The following TTC7B variants were observed in gnomAD, a reference collection of about 807,000 sequenced individuals.
The protein encoded by TTC7B is tetratricopeptide repeat domain 7B, also known as tetratricopeptide repeat protein 7B.
In TTC7B, 28 loss-of-function variants were observed where a neutral mutation model predicts 106.8. That is an observed-to-expected ratio of 0.26 (90% confidence interval 0.19 to 0.36). The LOEUF is 0.36. TTC7B is among the 10% of genes least tolerant of loss of function. TTC7B has a pLI of 1.00. For synonymous variants in TTC7B, 405 were observed against 430.6 expected, an observed-to-expected ratio of 0.94 and a Z score of 0.74; for missense variants, 862 against 1,076.4, an observed-to-expected ratio of 0.80 and a Z score of 2.79.
intron 5 of TTC7B, among the ~76,000 whole-genome samples, chr14:90,708,145 CAAAAAA>C (rs56260414): frequency 1.6e-5 from 1 of 61,308 alleles, no homozygotes. Flanking sequence ...GACTCCATCT[CAAAAAA>C]AAAAAAAAAA....
chr14:90,737,488 A>C (rs1889581007), intron 4 of TTC7B, among the ~76,000 whole-genome samples: 1 of 152,006 alleles, frequency 6.6e-6, no homozygotes, highest in African/African-American at 2.4e-5. Flanking sequence ...ATGAATTTTC[A>C]GAACGTGATG....
At chr14:90,789,373 C>T (rs1891501040) in intron 1 of TTC7B, among the ~76,000 whole-genome samples, 1 of 152,104 alleles carries the variant, frequency 6.6e-6, no homozygotes, top group African/African-American at 2.4e-5. Context: ...GCTGGGATTA[C>T]AGGCATGAGC....
intron 3 of TTC7B, among the ~76,000 whole-genome samples, chr14:90,778,738 G>T (rs1215067840): frequency 2.0e-5 from 3 of 152,212 alleles, no homozygotes; most frequent in Non-Finnish European, 4.4e-5. Flanking sequence ...GGACCCCAGA[G>T]GCAGCCTCAA....
In TTC7B at chr14:90,541,216, CGGG is replaced by C; in HGVS notation, c.*149_*151del. The C allele has an allele frequency of 1.7e-6, 1 of 579,124 alleles. No homozygotes were observed. The highest frequency in any genetic ancestry group is 3.4e-5 in the Admixed American group (1 of 29,168). The allele number at this position is 579,124 out of a possible 1,614,324, so 35.9% of individuals were successfully genotyped here. A position where few individuals can be genotyped will look rare whatever the true frequency, so the allele number is the denominator to read the frequency against. On this transcript the variant is annotated 3_prime_UTR_variant, in exon 20 of 20. Transcript: ENST00000328459. ...AACGCACATGGCGAGAGCGATGATTCGGGGTTGGTTTGGTTGGTTCACTGTGGC... is the reference window on the plus strand; with the variant it reads ...AACGCACATGGCGAGAGCGATGATTCGTTGGTTTGGTTGGTTCACTGTGGC...
chr14:90,749,560 C>A (rs1890075978), intron 3 of TTC7B, among the ~76,000 whole-genome samples: 1 of 152,016 alleles, frequency 6.6e-6, no homozygotes, highest in Admixed American at 6.6e-5. Context: ...CATGCACCAC[C>A]ACGCCTGGCT....
intron 7 of TTC7B, 150 bp downstream of exon 7, chr14:90,689,390 G>C (rs1887376289): frequency 1.5e-6 from 1 of 664,958 alleles, no homozygotes; most frequent in Non-Finnish European, 2.5e-6. Flanking sequence ...GAAAAGTAAT[G>C]AGGAATCTCT....
rs531645943 is a variant in TTC7B, at chr14:90,657,721, ATACACAGCAAGGAG to A, written c.1237-457_1237-444del. On this transcript the variant is annotated intron_variant, in intron 10 of 19. Transcript: ENST00000328459. This position sits in a 1 kb window ranked among gnomAD's most constrained non-coding sequence, Gnocchi z 4.2. ...AATAGCTACGACCTCTGTTGAGTGT[ATACACAGCAAGGAG>A]CGTGCCTCTAAACACCTCTGGTGTA... 2,541 of 200,376 alleles carry A rather than the reference ATACACAGCAAGGAG, an allele frequency of 0.013. 37 individuals carry two copies. Among genetic ancestry groups the A allele is most frequent in the Non-Finnish European group, 0.017 (1,654 of 96,862 alleles). The allele number at this position is 200,376 out of a possible 1,614,324, so 12.4% of individuals were successfully genotyped here.
At chr14:90,652,685 G>A (rs1414453540) in intron 13 of TTC7B, among the ~76,000 whole-genome samples, 156 bp downstream of exon 13, 1 of 152,172 alleles carries the variant, frequency 6.6e-6, no homozygotes, top group Non-Finnish European at 1.5e-5. Context: ...AAGTGATACA[G>A]CAGGGTTTGT....
intron 19 of TTC7B, among the ~76,000 whole-genome samples, chr14:90,565,463 G>A (rs555893907): frequency 2.7e-5 from 4 of 145,726 alleles, no homozygotes; most frequent in South Asian, 2.2e-4. Context: ...GTGCTGTGGC[G>A]TGATCTCGGC....
Position 90,802,590 on chromosome 14 carries a change from G to A in TTC7B, c.121+13585C>T, listed in dbSNP as rs911279055. Among the ~76,000 whole-genome samples the A allele has an allele frequency of 2.6e-5, 4 of 152,192 alleles. No homozygotes were observed. Among genetic ancestry groups the A allele is most frequent in the Non-Finnish European group, 5.9e-5 (4 of 68,030 alleles). On this transcript the variant is annotated intron_variant, in intron 1 of 19. Transcript: ENST00000328459. This position sits in a 1 kb window ranked among gnomAD's most constrained non-coding sequence, Gnocchi z 4.7. ...GCAAGGTCATGAGCTAGGCATGAGA[G>A]GGTGGCTTTCAAAGGAAGGGAGGGA...
chr14:90,715,037 A>C (rs1888601248), intron 5 of TTC7B, among the ~76,000 whole-genome samples: 1 of 152,184 alleles, frequency 6.6e-6, no homozygotes, highest in Non-Finnish European at 1.5e-5. Context: ...GAAGGGCCTG[A>C]CTGCTCTGGC....
At chr14:90,552,248 G>A (rs1035523239) in intron 19 of TTC7B, among the ~76,000 whole-genome samples, 1 of 152,220 alleles carries the variant, frequency 6.6e-6, no homozygotes, top group African/African-American at 2.4e-5. Flanking sequence ...GCCCCTCACC[G>A]GGCCAGTCAA....
intron 15 of TTC7B, among the ~76,000 whole-genome samples, chr14:90,621,927 T>C (rs10150737): frequency 0.024 from 3,660 of 152,140 alleles, 139 homozygotes; most frequent in African/African-American, 0.084. Context: ...ATTCATTTGC[T>C]ACAGCTGATA....
intron 19 of TTC7B, among the ~76,000 whole-genome samples, chr14:90,563,100 T>C (rs1055856248): frequency 2.0e-5 from 3 of 152,250 alleles, no homozygotes; most frequent in African/African-American, 7.2e-5. Flanking sequence ...GTTAACATCC[T>C]CAGGTCCTAG....
intron 16 of TTC7B, among the ~76,000 whole-genome samples, chr14:90,611,739 C>A (rs139586414): frequency 6.6e-6 from 1 of 152,146 alleles, no homozygotes; most frequent in Non-Finnish European, 1.5e-5. Context: ...GAAACCACAG[C>A]GGGCCTAACA....
Position 90,689,678 on chromosome 14 carries a change from C to T in TTC7B, c.812G>A (p.Arg271Gln), listed in dbSNP as rs1468958481. The T allele has an allele frequency of 3.1e-6, 5 of 1,614,142 alleles. No individual in the cohort carries two copies. Among genetic ancestry groups the T allele is most frequent in the African/African-American group, 1.3e-5 (1 of 75,048 alleles). ...CCAGTAGCTCTGCTCACACATACCC[C>T]GCAACAAGATCTCTGCCAGCTGCCT... ...IARQLAEILL[R>Q]GMCEQSYWNP... The change falls in exon 7 of 20, where the codon CGG becomes CAG. Residue 271 changes from arginine (R) to glutamine (Q), a missense_variant. Transcript: ENST00000328459.
intron 5 of TTC7B, among the ~76,000 whole-genome samples, chr14:90,727,285 G>A (rs1035616607): frequency 2.6e-5 from 4 of 152,054 alleles, no homozygotes; most frequent in South Asian, 2.1e-4. Flanking sequence ...CCCTCCCATC[G>A]ACTCCATCCA....
In TTC7B at chr14:90,652,697, T is replaced by G. The variant is rs1437123261; in HGVS notation, c.1517+144A>C. The G allele has an allele frequency of 7.3e-5, 58 of 798,658 alleles. No individual in the cohort carries two copies. In the East Asian group the frequency reaches 1.5e-3, roughly 21 times the overall value. 49.5% of individuals were successfully genotyped at this position (798,658 alleles called of 1,614,324 possible). On this transcript the variant is annotated intron_variant, in intron 13 of 19. Coordinates refer to ENST00000328459, the MANE Select transcript of TTC7B (RefSeq NM_001010854.2). ...AACAAGTGATACAGCAGGGTTTGTG[T>G]GCTGTGTGTTCGGTGCTCAGGACGA... is the stretch of plus-strand genomic sequence containing the variant.
chr14:90,679,240 G>A (rs1886955015), intron 8 of TTC7B, among the ~76,000 whole-genome samples: 1 of 152,234 alleles, frequency 6.6e-6, no homozygotes, highest in South Asian at 2.1e-4. Context: ...GGTAACTCAA[G>A]CAGACTTGCT....
Sources: gnomAD v4.1 joint callset for allele counts (sites outside exome capture counted in the v4.1 genomes callset) on GRCh38, gnomAD v4.1.1 for gene constraint, Gnocchi (gnomAD v3.1) non-coding constraint, MANE v1.5 for transcripts, NCBI Gene and HGNC (gene_info 2026-07-23, HGNC 2026-07-21) for gene names.